Variants in CRADD observed in about 807,000 individuals in gnomAD.
The protein encoded by CRADD is death domain-containing protein CRADD.
In CRADD, 9 loss-of-function variants were observed where a neutral mutation model predicts 15.5. That is an observed-to-expected ratio of 0.58 (90% CI 0.35 to 1.01). CRADD has a LOEUF of 1.01. CRADD is among the 50% of genes least tolerant of loss of function. CRADD has a pLI of 0.02. For synonymous variants in CRADD, 118 were observed against 107.6 expected (o/e 1.10, Z -0.60); for missense variants, 227 against 250.3 (o/e 0.91, Z 0.63).
intron 2 of CRADD, among the ~76,000 whole-genome samples, chr12:93,845,586 TA>T: frequency 6.6e-6 from 1 of 151,220 alleles, no homozygotes; most frequent in Non-Finnish European, 1.5e-5. Context: ...ATATTTTTAA[TA>T]AAGAAAAGAA....
intron 2 of CRADD, among the ~76,000 whole-genome samples, chr12:93,887,568 G>A (rs1043091627): frequency 4.6e-5 from 7 of 152,204 alleles, no homozygotes; most frequent in African/African-American, 9.7e-5. Flanking sequence ...TTAGCAAATC[G>A]CCAAGGTGTT....
intron 2 of CRADD, among the ~76,000 whole-genome samples, chr12:93,764,216 C>G (rs931326755): frequency 6.9e-6 from 1 of 144,492 alleles, no homozygotes; most frequent in African/African-American, 2.6e-5. Flanking sequence ...AACGATCACT[C>G]TGGCTGCTCT....
intron 2 of CRADD, among the ~76,000 whole-genome samples, chr12:93,876,442 G>A (rs1304021064): frequency 6.6e-6 from 1 of 151,984 alleles, no homozygotes; most frequent in African/African-American, 2.4e-5. Context: ...CCTATTTAAG[G>A]CCAATAACTC....
intron 2 of CRADD, among the ~76,000 whole-genome samples, chr12:93,715,563 C>A (rs953590205): frequency 2.0e-5 from 3 of 152,016 alleles, no homozygotes; most frequent in African/African-American, 7.2e-5. Flanking sequence ...GGTTTGAGCC[C>A]AGGAGTTCCA....
intron 2 of CRADD, among the ~76,000 whole-genome samples, chr12:93,822,245 C>T (rs754199609): frequency 2.6e-5 from 4 of 152,092 alleles, no homozygotes; most frequent in Non-Finnish European, 5.9e-5. Context: ...ACAGCCAGAG[C>T]ACTGCAAAAA....
At chr12:93,749,351 G>A (rs1956804928) in intron 2 of CRADD, among the ~76,000 whole-genome samples, 3 of 152,202 alleles carry the variant, frequency 2.0e-5, no homozygotes, top group African/African-American at 7.2e-5. Context: ...AGAGGATCCA[G>A]GATTGAGCCA....
At chr12:93,791,442 G>A (rs1957348283) in intron 2 of CRADD, among the ~76,000 whole-genome samples, 1 of 152,154 alleles carries the variant, frequency 6.6e-6, no homozygotes, top group Admixed American at 6.6e-5. Context: ...CAAATACTGT[G>A]TGATTTCACT....
At chr12:93,697,526 G>T (rs569535677) in intron 2 of CRADD, among the ~76,000 whole-genome samples, 238 of 152,256 alleles carry the variant, frequency 1.6e-3, no homozygotes, top group Non-Finnish European at 2.7e-3. Flanking sequence ...TGGACTGCCA[G>T]TTTTCGTATT....
At chr12:93,716,291 C>T (rs1956162004) in intron 2 of CRADD, among the ~76,000 whole-genome samples, 1 of 152,076 alleles carries the variant, frequency 6.6e-6, no homozygotes, top group African/African-American at 2.4e-5. Context: ...ACTCCCTTCC[C>T]CTGCAGATGC....
At chr12:93,731,890 A>C (rs1490138931) in intron 2 of CRADD, among the ~76,000 whole-genome samples, 1 of 152,144 alleles carries the variant, frequency 6.6e-6, no homozygotes, top group Non-Finnish European at 1.5e-5. Flanking sequence ...TAATCCCAGC[A>C]CTTTGGGAGG....
chr12:93,804,751 C>T (rs1436640090), intron 2 of CRADD, among the ~76,000 whole-genome samples: 3 of 152,160 alleles, frequency 2.0e-5, no homozygotes, highest in African/African-American at 7.2e-5. Context: ...CATGGCCAGG[C>T]AGTGGGTAGG....
chr12:93,858,427 G>A (rs1958292217), intron 2 of CRADD, among the ~76,000 whole-genome samples: 2 of 152,124 alleles, frequency 1.3e-5, no homozygotes, highest in African/African-American at 4.8e-5. Flanking sequence ...AACCCAAAAG[G>A]GCAGAAGATT....
Position 93,863,596 on chromosome 12 carries a change from T to TTGTGTGTGTGTGTGTGTGTG in CRADD, c.299-30425_299-30406dup, listed in dbSNP as rs1157061528. On this transcript the variant is annotated intron_variant, in intron 2 of 2. Transcript: ENST00000548483. ...GGCCTTTGAAAATGTGTGGAGGCAT[T>TTGTGTGTGTGTGTGTGTGTG]TGTGTGTGTGTGTGTGTGTGTGTGT... Among the ~76,000 whole-genome samples, 54 of 124,846 alleles carry TTGTGTGTGTGTGTGTGTGTG rather than the reference T, an allele frequency of 4.3e-4. 3 individuals are homozygous for TTGTGTGTGTGTGTGTGTGTG. The highest frequency in any genetic ancestry group is 1.6e-3 in the African/African-American group (51 of 32,860). 81.9% of individuals were successfully genotyped at this position (124,846 alleles called of 152,430 possible).
chr12:93,741,960 A>C (rs562218950), intron 2 of CRADD, among the ~76,000 whole-genome samples: 3 of 152,098 alleles, frequency 2.0e-5, no homozygotes, highest in Non-Finnish European at 4.4e-5. Context: ...TCTACACGCC[A>C]TGATCTTTGT....
At chr12:93,785,088 CT>C (rs1024639480) in intron 2 of CRADD, among the ~76,000 whole-genome samples, 8 of 148,686 alleles carry the variant, frequency 5.4e-5, no homozygotes, top group Non-Finnish European at 3.0e-5. Flanking sequence ...TTGTGTTTTG[CT>C]TTTTTTTTTA....
chr12:93,691,414 T>C (rs1168458912), intron 2 of CRADD, among the ~76,000 whole-genome samples: 3 of 152,016 alleles, frequency 2.0e-5, no homozygotes, highest in African/African-American at 7.2e-5. Flanking sequence ...CCACCATGCC[T>C]GGCTAATTTT....
intron 2 of CRADD, among the ~76,000 whole-genome samples, chr12:93,718,455 C>T (rs191621104): frequency 9.9e-5 from 15 of 152,172 alleles, no homozygotes. Flanking sequence ...TTTAATTTCA[C>T]TTGGTCATTG....
At chr12:93,738,672 CCT>C in intron 2 of CRADD, 2 of 508,762 alleles carry the variant, frequency 3.9e-6, no homozygotes, top group South Asian at 6.4e-5. Context: ...AAAGTGTCAA[CCT>C]CCTGTTTTAT....
chr12:93,705,167 C>G (rs1363051307), intron 2 of CRADD, among the ~76,000 whole-genome samples: 1 of 152,210 alleles, frequency 6.6e-6, no homozygotes, highest in African/African-American at 2.4e-5. Flanking sequence ...TCCTGCATCC[C>G]CAGACCCCAG....
Sources: gnomAD v4.1 joint callset for allele counts (sites outside exome capture counted in the v4.1 genomes callset) on GRCh38, gnomAD v4.1.1 for gene constraint, MANE v1.5 for transcripts, NCBI Gene and HGNC (gene_info 2026-07-23, HGNC 2026-07-21) for gene names.